The following PRG4 variants were observed in gnomAD, a reference collection of about 807,000 sequenced individuals.
PRG4 encodes the protein articular superficial zone protein.
In PRG4, 61 loss-of-function variants were observed where a neutral mutation model predicts 91.2. That is an observed-to-expected ratio of 0.67 (90% confidence interval 0.54 to 0.83). PRG4 has a LOEUF of 0.83. PRG4 is among the 40% of genes least tolerant of loss of function. The pLI is 0.00. For synonymous variants in PRG4, 576 were observed against 614.2 expected (o/e 0.94, Z 0.92); for missense variants, 1,564 against 1,714.2 (o/e 0.91, Z 1.55).
chr1:186,297,546 A>G (rs1001827683), intron 2 of PRG4, among the ~76,000 whole-genome samples: 2 of 152,166 alleles, frequency 1.3e-5, no homozygotes, highest in African/African-American at 2.4e-5. Flanking sequence ...TTCTCCCAAA[A>G]CAGGTCCTGG....
rs538858993 is a variant in PRG4, at chr1:186,300,375, T to C, written c.199+162T>C. Among the ~76,000 whole-genome samples the C allele has an allele frequency of 4.6e-5, 7 of 152,344 alleles. No individual in the cohort carries two copies. In the South Asian group the frequency reaches 1.5e-3, roughly 32 times the overall value. ...CTTCCTTTGCTTAAGTGACTTTCCT[T>C]CACTTGCATAAATGTTGCAGCGCAT... On this transcript the variant is annotated intron_variant, in intron 3 of 12. Coordinates refer to ENST00000445192, the MANE Select transcript of PRG4 (RefSeq NM_005807.6).
intron 3 of PRG4, 57 bp from the exon 4 acceptor site, chr1:186,301,535 T>C: frequency 6.2e-7 from 1 of 1,611,086 alleles, no homozygotes; most frequent in South Asian, 1.1e-5. Context: ...GGCTGTCAAA[T>C]ACGTGGGCCT....
rs1656220968 is a variant in PRG4 at position 186,301,583 on chromosome 1, T to G, written c.200-9T>G. ...AATAATCTGTAACTTCTTGTTTTGC[T>G]CTGGGTAGAGCTTTCCTGTAAAGGC... On this transcript the variant is annotated splice_polypyrimidine_tract_variant and intron_variant, in intron 3 of 12. Coordinates refer to ENST00000445192, the MANE Select transcript of PRG4 (RefSeq NM_005807.6). 6.2e-7 allele frequency: 1 copy of G among 1,613,824 alleles called. No homozygotes were observed. Among genetic ancestry groups the G allele is most frequent in the Non-Finnish European group, 8.5e-7 (1 of 1,179,936 alleles).
In PRG4 at chr1:186,308,412, T is replaced by C; in HGVS notation, c.2693T>C (p.Val898Ala). The C allele has an allele frequency of 6.2e-7, 1 of 1,613,850 alleles. No homozygotes were observed. Among genetic ancestry groups the C allele is most frequent in the Non-Finnish European group, 8.5e-7 (1 of 1,180,022 alleles). ...ALENSPKEPGVPTTKTPAATK... is the reference protein window; with the variant it reads ...ALENSPKEPGAPTTKTPAATK... ...GAAAACAGTCCCAAGGAACCTGGTG[T>C]ACCTACAACTAAGACTCCTGCAGCG... Residue 898 changes from valine (V) to alanine (A), a missense_variant, in exon 7 of 13, where the codon GTA (valine) becomes GCA (alanine). Physicochemically the swap from Val to Ala is moderately conservative, Grantham distance 64 (BLOSUM62 0). Around this residue, in one of 3 missense-constraint regions of PRG4, gnomAD observed 1,079 missense variants for 1,162.2 expected, o/e 0.93. Transcript: ENST00000445192.
chr1:186,297,320 A>T (rs1655924114), intron 2 of PRG4, among the ~76,000 whole-genome samples: 1 of 152,238 alleles, frequency 6.6e-6, no homozygotes, highest in Non-Finnish European at 1.5e-5. Context: ...CTATATGTTG[A>T]ACAATTTGTT....
Position 186,306,704 on chromosome 1 carries a change from G to A in PRG4, c.985G>A (p.Ala329Thr), listed in dbSNP as rs776081708. ...TTTAGCACCCACATCTAAAGTGCTG[G>A]CTAAACCTACACCCAAAGCTGAAAC... Reference protein sequence around the residue: ...KDLAPTSKVLAKPTPKAETTT... With the variant: ...KDLAPTSKVLTKPTPKAETTT... Residue 329 changes from alanine to threonine, a missense_variant, in exon 7 of 13, where the codon GCT (alanine) becomes ACT (threonine). This residue lies in a region of PRG4 where 437 missense variants were observed against 459.0 expected (regional missense o/e 0.95). Coordinates refer to ENST00000445192, the MANE Select transcript of PRG4 (RefSeq NM_005807.6). The A allele has an allele frequency of 8.1e-6, 13 of 1,613,562 alleles. No homozygotes were observed. In the Admixed American group the frequency reaches 8.3e-5, roughly 10 times the overall value.
At position 186,312,893 on chromosome 1, in the gene PRG4, A is replaced by C. The variant is rs760956044; in HGVS notation, c.4116A>C (p.Lys1372Asn). The part of the protein sequence containing the change: ...PDGYDYYAFS[K>N]DQYYNIDVPS... ...GCTATGATTACTATGCCTTTTCTAAAGGTAAGGTATTAACTAACAGTTTCC... is the reference window on the plus strand; with the variant it reads ...GCTATGATTACTATGCCTTTTCTAACGGTAAGGTATTAACTAACAGTTTCC... The change falls in exon 12 of 13, where the codon AAA becomes AAC. Residue 1372 changes from lysine to asparagine, a missense_variant and splice_region_variant. By Grantham distance (94) the Lys-to-Asn change is moderately conservative (BLOSUM62 0). Around this residue, in one of 3 missense-constraint regions of PRG4, gnomAD observed 1,079 missense variants for 1,162.2 expected, o/e 0.93. Coordinates refer to ENST00000445192, the MANE Select transcript of PRG4 (RefSeq NM_005807.6). 1 of 1,611,850 alleles carries C rather than the reference A, an allele frequency of 6.2e-7. No individual in the cohort carries two copies. The highest frequency in any genetic ancestry group is 2.2e-5 in the East Asian group (1 of 44,838).
chr1:186,309,900 T>C (rs1056290837), intron 8 of PRG4, 30 bp downstream of exon 8: 12 of 1,585,022 alleles, frequency 7.6e-6, no homozygotes, highest in Non-Finnish European at 1.0e-5. Flanking sequence ...ATTTTTCTTC[T>C]CATCATTCTG....
chr1:186,314,115 T>C lies in PRG4; in HGVS notation c.*337T>C. The stretch of plus-strand genomic sequence containing the variant: ...TTACCCTAGTTCATTATAAAAAATA[T>C]CTAGGCATTGTGGATATAAAACTGT... On this transcript the variant is annotated 3_prime_UTR_variant, in exon 13 of 13. Coordinates refer to ENST00000445192, the MANE Select transcript of PRG4 (RefSeq NM_005807.6). 7.2e-6 allele frequency: 9 copies of C among 1,246,886 alleles called. No individual in the cohort carries two copies. Among genetic ancestry groups the C allele is most frequent in the South Asian group, 1.3e-5 (1 of 75,336 alleles). 77.2% of individuals were successfully genotyped at this position (1,246,886 alleles called of 1,614,324 possible). A position where few individuals can be genotyped will look rare whatever the true frequency, so the allele number is the denominator to read the frequency against.
At chr1:186,305,027 G>A (rs2273778) in intron 6 of PRG4, 105 bp downstream of exon 6, 198,667 of 1,220,354 alleles carry the variant, frequency 0.16, 17,813 homozygotes, top group African/African-American at 0.28. Flanking sequence ...TAATATGGGG[G>A]GGAATATAAC....
rs369108138 is a variant in PRG4, at chr1:186,312,256, T to C, written c.3875T>C (p.Val1292Ala). 5.0e-6 allele frequency: 8 copies of C among 1,613,918 alleles called. No homozygotes were observed. In the African/African-American group the frequency reaches 8.0e-5, roughly 16 times the overall value. Residue 1292 changes from valine (V) to alanine (A), a missense_variant, in exon 11 of 13, where the codon GTG becomes GCG. Physicochemically the swap from Val to Ala is moderately conservative, Grantham distance 64. Around this residue, in one of 3 missense-constraint regions of PRG4, gnomAD observed 1,079 missense variants for 1,162.2 expected, o/e 0.93. Coordinates refer to ENST00000445192, the MANE Select transcript of PRG4 (RefSeq NM_005807.6). ...PGRRPALNYP[V>A]YGETTQVRRR... is the part of the protein sequence containing the mutation. ...AGAAGGCCTGCTCTAAATTATCCAG[T>C]GTATGGAGAAACGACACAGGTTAGG...
At chr1:186,300,301 C>T (rs1656121692) in intron 3 of PRG4, 88 bp downstream of exon 3, 1 of 1,555,870 alleles carries the variant, frequency 6.4e-7, no homozygotes, top group Non-Finnish European at 8.9e-7. Context: ...TGCTGTGAGA[C>T]TGAGCCTCCC....
Position 186,305,011 on chromosome 1 carries a change from A to G in PRG4, c.598+89A>G, listed in dbSNP as rs1291583557. On this transcript the variant is annotated intron_variant, in intron 6 of 12. Coordinates refer to ENST00000445192, the MANE Select transcript of PRG4 (RefSeq NM_005807.6). ...AGTAATGCGTGTTGGCAGAATGAGG[A>G]CATCTTAATATGGGGGGGAATATAA... 13 of 1,343,054 alleles carry G rather than the reference A, an allele frequency of 9.7e-6. No individual in the cohort carries two copies. In the African/African-American group the frequency reaches 1.3e-4, roughly 14 times the overall value. 83.2% of individuals were successfully genotyped at this position (1,343,054 alleles called of 1,614,324 possible). A position where few individuals can be genotyped will look rare whatever the true frequency, so the allele number is the denominator to read the frequency against.
intron 4 of PRG4, among the ~76,000 whole-genome samples, chr1:186,302,587 A>G (rs1656294688): frequency 6.6e-6 from 1 of 152,224 alleles, no homozygotes; most frequent in African/African-American, 2.4e-5. Context: ...GTGAAGAAAG[A>G]TCGGAAAACT....
chr1:186,299,322 T>A (rs1656052382), intron 2 of PRG4, among the ~76,000 whole-genome samples: 1 of 152,206 alleles, frequency 6.6e-6, no homozygotes, highest in Non-Finnish European at 1.5e-5. Context: ...CCTGACATTT[T>A]AAAAATCCAG....
rs1553224364 is a variant in PRG4, at chr1:186,308,146, G to A, written c.2427G>A (p.Gly809=). 5.6e-6 allele frequency: 9 copies of A among 1,608,114 alleles called. No individual in the cohort carries two copies. The Admixed American group carries it at 6.8e-5, about 12-fold the overall frequency. Reference sequence around the variant, plus strand: ...AGCTTGCACCCACCACCACCAAGGGGCCCACATCCACCACCTCTGACAAGC... The same window carrying A: ...AGCTTGCACCCACCACCACCAAGGGACCCACATCCACCACCTCTGACAAGC... The part of the protein sequence containing the change: ...PKELAPTTTK[G]PTSTTSDKPA... Residue 809 remains glycine (G), a synonymous_variant, in exon 7 of 13, where the codon GGG becomes GGA. Transcript: ENST00000445192.
chr1:186,304,171 C>T lies in PRG4; in HGVS notation c.383C>T (p.Thr128Ile). The change falls in exon 5 of 13, where the codon ACC (threonine) becomes ATC (isoleucine). Residue 128 changes from threonine (T) to isoleucine (I), a missense_variant. By Grantham distance (89) the Thr-to-Ile change is moderately conservative. Transcript: ENST00000445192. ...CCTCCACCTTCAGGAGCATCTCAAACCATCAAATCAACAACCAAACGTTCA... is the reference window on the plus strand; with the variant it reads ...CCTCCACCTTCAGGAGCATCTCAAATCATCAAATCAACAACCAAACGTTCA... Reference protein sequence around the residue: ...KAPPPSGASQTIKSTTKRSPK... With the variant: ...KAPPPSGASQIIKSTTKRSPK... The T allele has an allele frequency of 6.2e-7, 1 of 1,613,846 alleles. No homozygotes were observed. The highest frequency in any genetic ancestry group is 8.5e-7 in the Non-Finnish European group (1 of 1,179,728).
At position 186,314,339 on chromosome 1, in the gene PRG4, A is replaced by T. The variant is rs981262928; in HGVS notation, c.*561A>T. ...TATAATGGCAATAGGTAGAGATACA[A>T]CAAATGAATATAACACTATAACACT... On this transcript the variant is annotated 3_prime_UTR_variant, in exon 13 of 13. Transcript: ENST00000445192. 1 of 386,934 alleles carries T rather than the reference A, an allele frequency of 2.6e-6. No individual in the cohort carries two copies. Among genetic ancestry groups the T allele is most frequent in the South Asian group, 4.4e-5 (1 of 22,516 alleles). The allele number at this position is 386,934 out of a possible 1,614,324, so 24.0% of individuals were successfully genotyped here. A position where few individuals can be genotyped will look rare whatever the true frequency, so the allele number is the denominator to read the frequency against.
At chr1:186,305,713 T>C (rs1230482318) in intron 6 of PRG4, among the ~76,000 whole-genome samples, 1 of 152,208 alleles carries the variant, frequency 6.6e-6, no homozygotes, top group Non-Finnish European at 1.5e-5. Context: ...GGGCAGCTGC[T>C]ATGGGAAAGC....
Sources: allele counts gnomAD v4.1 joint callset (sites outside exome capture counted in the v4.1 genomes callset), GRCh38; gene constraint gnomAD v4.1.1; regional missense constraint gnomAD v4.1.1; transcripts MANE v1.5; gene names NCBI Gene and HGNC (gene_info 2026-07-23, HGNC 2026-07-21).